PXDN: variants seen among roughly 807,000 people sequenced by gnomAD.
The protein encoded by PXDN is peroxidasin, also known as peroxidasin homolog.
In PXDN, 77 loss-of-function variants were observed where a neutral mutation model predicts 140.3. That is an observed-to-expected ratio of 0.55 (90% CI 0.46 to 0.66). The LOEUF (loss-of-function observed/expected upper bound fraction) is 0.66. PXDN is among the 30% of genes least tolerant of loss of function. PXDN has a pLI of 0.00. For missense variants in PXDN, 1,838 were observed against 2,039.5 expected, an observed-to-expected ratio of 0.90 and a Z score of 1.90; for synonymous variants, 911 against 857.4, an observed-to-expected ratio of 1.06 and a Z score of -1.09.
At chr2:1,744,212 G>T (rs1371752916) in intron 1 of PXDN, 44 bp downstream of exon 1, 1 of 1,320,054 alleles carries the variant, frequency 7.6e-7, no homozygotes, top group South Asian at 1.6e-5. Flanking sequence ...GGATCTCCAC[G>T]AAGCCCCGGA....
chr2:1,671,584 T>C (rs193023902), intron 9 of PXDN, among the ~76,000 whole-genome samples: 42 of 152,310 alleles, frequency 2.8e-4, no homozygotes, highest in Admixed American at 2.4e-3. Flanking sequence ...CTGATAGAGA[T>C]AGAAGTGTTA....
At chr2:1,734,867 CAATA>C (rs954136189) in intron 1 of PXDN, among the ~76,000 whole-genome samples, 17 of 152,050 alleles carry the variant, frequency 1.1e-4, no homozygotes, top group African/African-American at 3.6e-4. Context: ...CTCCATCTCT[CAATA>C]AATAAATAAA....
chr2:1,654,414 T>G lies in PXDN; in HGVS notation c.1932A>C (p.Thr644=). ...TVDRAINSTR[T]HLFDSRPRSP... ...CCCCACGATACCTGTCAAACAAATG[T>G]GTTCGGGTTGAGTTTATAGCTCTGT... Residue 644 remains threonine (T), a synonymous_variant, in exon 15 of 23, where the codon ACA becomes ACC. Transcript: ENST00000252804. 1 of 1,612,672 alleles carries G rather than the reference T, an allele frequency of 6.2e-7. No individual in the cohort carries two copies. Among genetic ancestry groups the G allele is most frequent in the African/African-American group, 1.3e-5 (1 of 75,046 alleles).
Position 1,665,120 on chromosome 2 carries a change from T to C in PXDN, c.1292-46A>G, listed in dbSNP as rs895421037. On this transcript the variant is annotated intron_variant, in intron 10 of 22. Transcript: ENST00000252804. ...AAAACAGGACATGTAAAAAACAGCC[T>C]GGGGTAAAAACGCGACCAAGAAAAT... 7 of 1,441,346 alleles carry C rather than the reference T, an allele frequency of 4.9e-6. No homozygotes were observed. The Admixed American group carries it at 5.8e-5, about 12-fold the overall frequency. The allele number at this position is 1,441,346 out of a possible 1,614,324, so 89.3% of individuals were successfully genotyped here. A position where few individuals can be genotyped will look rare whatever the true frequency, so the allele number is the denominator to read the frequency against.
At position 1,685,182 on chromosome 2, in the gene PXDN, G is replaced by A. The variant is rs1310798083; in HGVS notation, c.417-1031C>T. Among the ~76,000 whole-genome samples, 1 of 152,232 alleles carries A rather than the reference G, an allele frequency of 6.6e-6. No individual in the cohort carries two copies. Among genetic ancestry groups the A allele is most frequent in the East Asian group, 1.9e-4 (1 of 5,178 alleles). ...AGGCAGCACCCACACAGGCCACACT[G>A]AGTCTCTGCGGACACCTGCAGCCGG... On this transcript the variant is annotated intron_variant, in intron 4 of 22. Transcript: ENST00000252804. This position sits in a 1 kb window ranked among gnomAD's most constrained non-coding sequence, Gnocchi z 5.1.
At chr2:1,681,272 A>G (rs1200535083) in intron 6 of PXDN, among the ~76,000 whole-genome samples, 1 of 151,826 alleles carries the variant, frequency 6.6e-6, no homozygotes, top group East Asian at 1.9e-4. Flanking sequence ...CATGGCAGGA[A>G]ACACACTATC....
At chr2:1,697,298 C>G (rs1558513215) in intron 1 of PXDN, among the ~76,000 whole-genome samples, 1 of 152,186 alleles carries the variant, frequency 6.6e-6, no homozygotes, top group Non-Finnish European at 1.5e-5. Context: ...AACTCATAAA[C>G]ACTAGTAGCA....
intron 4 of PXDN, among the ~76,000 whole-genome samples, chr2:1,686,929 G>A (rs763460141): frequency 5.3e-5 from 8 of 152,186 alleles, no homozygotes; most frequent in Admixed American, 2.0e-4. Context: ...TCCTAAAACC[G>A]TGACAAATTG....
intron 1 of PXDN, among the ~76,000 whole-genome samples, chr2:1,711,809 G>A (rs1032438215): frequency 7.9e-5 from 12 of 152,178 alleles, no homozygotes; most frequent in Admixed American, 5.9e-4. Flanking sequence ...TGGGAGCCAC[G>A]AACCAAATCC....
intron 1 of PXDN, among the ~76,000 whole-genome samples, chr2:1,722,439 C>A (rs1326979835): frequency 6.6e-6 from 1 of 152,136 alleles, no homozygotes; most frequent in Non-Finnish European, 1.5e-5. Flanking sequence ...ATGGGTTATC[C>A]CAGCATCCAG....
Position 1,680,237 on chromosome 2 carries a change from T to A in PXDN, c.686A>T (p.Gln229Leu). 1 of 1,608,806 alleles carries A rather than the reference T, an allele frequency of 6.2e-7. No individual in the cohort carries two copies. Among genetic ancestry groups the A allele is most frequent in the Non-Finnish European group, 8.5e-7 (1 of 1,177,716 alleles). The change falls in exon 7 of 23, where the codon CAG becomes CTG. Residue 229 changes from glutamine (Q) to leucine (L), a missense_variant. This residue lies in a region of PXDN where 208 missense variants were observed against 325.8 expected (regional missense o/e 0.64). Transcript: ENST00000252804. ...GGTGATGGTTGCCACTGAGCGTCCC[T>A]GGATGCGTCTGGGATATTCACAGAT... ...AAICEYPRRI[Q>L]GRSVATITPE...
intron 1 of PXDN, among the ~76,000 whole-genome samples, chr2:1,699,008 T>C (rs1227128399): frequency 6.6e-6 from 1 of 152,112 alleles, no homozygotes; most frequent in Non-Finnish European, 1.5e-5. Context: ...AATCTTAATG[T>C]ACTAAAAATC....
chr2:1,715,283 A>G (rs1275437368), intron 1 of PXDN, among the ~76,000 whole-genome samples: 1 of 152,258 alleles, frequency 6.6e-6, no homozygotes, highest in East Asian at 1.9e-4. Flanking sequence ...CTAAAGAACC[A>G]GGCACGTGAA....
At chr2:1,731,913 G>C (rs887027403) in intron 1 of PXDN, among the ~76,000 whole-genome samples, 2 of 152,142 alleles carry the variant, frequency 1.3e-5, no homozygotes, top group African/African-American at 4.8e-5. Flanking sequence ...CACCAGGATT[G>C]AGTCATTTTC....
In PXDN at chr2:1,649,131, A is replaced by T; in HGVS notation, c.2649T>A (p.Pro883=). ...GCGAAGTCATGCCGCTGCCGCACACAGGGCTGGAGCGCACGAAGAACATGC... is the reference window on the plus strand; with the variant it reads ...GCGAAGTCATGCCGCTGCCGCACACTGGGCTGGAGCGCACGAAGAACATGC... ...ARCMFFVRSS[P]VCGSGMTSLL... Residue 883 remains proline (P), a synonymous_variant, in exon 17 of 23, where the codon CCT becomes CCA. Transcript: ENST00000252804. This position sits in a 1 kb window ranked among gnomAD's most constrained non-coding sequence, Gnocchi z 7.1. 2 of 1,609,718 alleles carry T rather than the reference A, an allele frequency of 1.2e-6. No homozygotes were observed. Among genetic ancestry groups the T allele is most frequent in the Non-Finnish European group, 8.5e-7 (1 of 1,178,422 alleles).
In PXDN at chr2:1,635,447, G is replaced by T; in HGVS notation, c.4281C>A (p.Thr1427=). 1 of 1,601,000 alleles carries T rather than the reference G, an allele frequency of 6.2e-7. No individual in the cohort carries two copies. Among genetic ancestry groups the T allele is most frequent in the Non-Finnish European group, 8.5e-7 (1 of 1,173,222 alleles). The change falls in exon 22 of 23, where the codon ACC becomes ACA. Residue 1427 remains threonine (T), a synonymous_variant. Transcript: ENST00000252804. The part of the protein sequence containing the change: ...DAGGESHANN[T]KWKKDACTIC... The stretch of plus-strand genomic sequence containing the variant: ...TGGTGCATGCATCTTTTTTCCACTT[G>T]GTGTTGTTGGCGTGAGATTCGCCCC...
intron 11 of PXDN, 181 bp downstream of exon 11, chr2:1,664,777 A>G: frequency 3.4e-6 from 2 of 582,536 alleles, no homozygotes; most frequent in Non-Finnish European, 6.1e-6. Flanking sequence ...CCATGCATGG[A>G]CAGGAAGCCG....
intron 1 of PXDN, among the ~76,000 whole-genome samples, chr2:1,710,250 G>A (rs996641641): frequency 6.6e-6 from 1 of 152,152 alleles, no homozygotes; most frequent in Non-Finnish European, 1.5e-5. Context: ...CACTTGGTAG[G>A]TGTGGGCCAC....
chr2:1,646,329 A>G (rs748028787), intron 17 of PXDN, among the ~76,000 whole-genome samples: 7 of 152,236 alleles, frequency 4.6e-5, no homozygotes, highest in Non-Finnish European at 7.3e-5. Context: ...GCTGGGCTCC[A>G]CATCTAGCTC....
Sources: gnomAD v4.1 joint callset for allele counts (sites outside exome capture counted in the v4.1 genomes callset) on GRCh38, gnomAD v4.1.1 for gene constraint, gnomAD v4.1.1 regional missense constraint, Gnocchi (gnomAD v3.1) non-coding constraint, MANE v1.5 for transcripts, NCBI Gene and HGNC (gene_info 2026-07-23, HGNC 2026-07-21) for gene names.